Variants in GLRA1 observed in about 807,000 individuals in gnomAD.
GLRA1 encodes the protein glycine receptor subunit alpha-1.
GLRA1 carries 37 observed loss-of-function variants against 48.3 expected under a neutral mutation model. The observed-to-expected ratio is 0.77, with a 90% CI of 0.59 to 1.01. The LOEUF is 1.01. GLRA1 is among the 50% of genes least tolerant of loss of function. The pLI is 0.00. For synonymous variants in GLRA1, 196 were observed against 210.7 expected (o/e 0.93, Z 0.60); for missense variants, 427 against 571.0 (o/e 0.75, Z 2.57).
chr5:151,826,715 T>C (rs1160557409), intron 8 of GLRA1, among the ~76,000 whole-genome samples: 1 of 152,180 alleles, frequency 6.6e-6, no homozygotes, highest in Non-Finnish European at 1.5e-5. Flanking sequence ...TGTTTTCTTT[T>C]AGTGTGTCAA....
At chr5:151,906,274 G>T (rs1368877137) in intron 1 of GLRA1, among the ~76,000 whole-genome samples, 1 of 152,138 alleles carries the variant, frequency 6.6e-6, no homozygotes, top group African/African-American at 2.4e-5. Flanking sequence ...TAAAAATAAG[G>T]TTCAAATAAT....
intron 7 of GLRA1, among the ~76,000 whole-genome samples, chr5:151,831,592 G>A (rs1763426891): frequency 6.6e-6 from 1 of 152,212 alleles, no homozygotes; most frequent in African/African-American, 2.4e-5. Context: ...GCCAGGCTGT[G>A]TCTCTAGATT....
chr5:151,833,796 C>CAAAAACAAAAAAA (rs1763490942), intron 7 of GLRA1, among the ~76,000 whole-genome samples: 1 of 64,778 alleles, frequency 1.5e-5, no homozygotes, highest in East Asian at 5.2e-4. Flanking sequence ...AAGTGGAAAG[C>CAAAAACAAAAAAA]AAAAAAAAAA....
Position 151,849,148 on chromosome 5 carries a change from C to CTTTCTTTCTTTCT in GLRA1, c.912+2241_912+2242insAGAAAGAAAGAAA, listed in dbSNP as rs1279846576. 65 of 142,938 alleles carry CTTTCTTTCTTTCT rather than the reference C, an allele frequency of 4.5e-4. 1 individual carries two copies. Among genetic ancestry groups the CTTTCTTTCTTTCT allele is most frequent in the Middle Eastern group, 2.1e-3 (1 of 476 alleles). 8.9% of individuals were successfully genotyped at this position (142,938 alleles called of 1,614,324 possible). A position where few individuals can be genotyped will look rare whatever the true frequency, so the allele number is the denominator to read the frequency against. On this transcript the variant is annotated intron_variant, in intron 7 of 8. Transcript: ENST00000274576. ...TCTTTCTTTCTTTCTTTCTTTCTTT[C>CTTTCTTTCTTTCT]TTTCTTTTCTTTTCTTTTCTTTCTT...
At chr5:151,842,355 A>T (rs1763732878) in intron 7 of GLRA1, among the ~76,000 whole-genome samples, 1 of 151,956 alleles carries the variant, frequency 6.6e-6, no homozygotes, top group African/African-American at 2.4e-5. Context: ...AAAAAAAAAA[A>T]ACTCTCAGGA....
intron 1 of GLRA1, among the ~76,000 whole-genome samples, chr5:151,917,112 A>G (rs181550633): frequency 6.6e-6 from 1 of 152,336 alleles, no homozygotes; most frequent in Admixed American, 6.5e-5. Flanking sequence ...TCCCCTCTAC[A>G]TCTGCAAAAT....
rs779337812 is a variant in GLRA1 at position 151,822,843 on chromosome 5, G to A, written c.1180C>T (p.Pro394Ser). The A allele has an allele frequency of 1.2e-6, 2 of 1,614,178 alleles. No individual in the cohort carries two copies. The highest frequency in any genetic ancestry group is 1.7e-5 in the Admixed American group (1 of 60,022). The change falls in exon 9 of 9, where the codon CCT becomes TCT. Residue 394 changes from proline (P) to serine (S), a missense_variant. Coordinates refer to ENST00000274576, the MANE Select transcript of GLRA1 (RefSeq NM_000171.4). ...GANNSNTTNPPPAPSKSPEEM... is the reference protein window; with the variant it reads ...GANNSNTTNPSPAPSKSPEEM... ...TCTGGGGACTTAGATGGTGCAGGAG[G>A]GGGGTTGGTGGTGTTACTGTTGTTG...
At chr5:151,877,593 A>C (rs1026147041) in intron 3 of GLRA1, among the ~76,000 whole-genome samples, 2 of 152,314 alleles carry the variant, frequency 1.3e-5, no homozygotes, top group South Asian at 4.1e-4. Flanking sequence ...TCCCCACCCA[A>C]ATCTCATCTT....
intron 2 of GLRA1, among the ~76,000 whole-genome samples, chr5:151,890,353 G>A (rs1411572138): frequency 6.6e-6 from 1 of 152,124 alleles, no homozygotes; most frequent in African/African-American, 2.4e-5. Context: ...TTCAACAAAC[G>A]AATGAGTTCC....
intron 1 of GLRA1, among the ~76,000 whole-genome samples, chr5:151,904,314 T>C (rs1322976175): frequency 6.6e-6 from 1 of 152,164 alleles, no homozygotes; most frequent in Admixed American, 6.5e-5. Flanking sequence ...AACGGGATCC[T>C]GAGTCCCACT....
rs1267529194 is a variant in GLRA1 at position 151,892,381 on chromosome 5, G to C, written c.114C>G (p.Pro38=). Reference sequence around the variant, plus strand: ...CCATTAGCTTATCCAGGAAATCCGAGGGTGACATAGGCTTGGGTGCGGAGC... The same window carrying C: ...CCATTAGCTTATCCAGGAAATCCGACGGTGACATAGGCTTGGGTGCGGAGC... ...AARSAPKPMS[P]SDFLDKLMGR... Residue 38 remains proline, a synonymous_variant, in exon 2 of 9, where the codon CCC becomes CCG. Coordinates refer to ENST00000274576, the MANE Select transcript of GLRA1 (RefSeq NM_000171.4). The C allele has an allele frequency of 6.2e-7, 1 of 1,614,048 alleles. No homozygotes were observed. The highest frequency in any genetic ancestry group is 8.5e-7 in the Non-Finnish European group (1 of 1,179,894).
At chr5:151,830,495 G>A (rs1049196426) in intron 7 of GLRA1, among the ~76,000 whole-genome samples, 4 of 152,162 alleles carry the variant, frequency 2.6e-5, no homozygotes, top group African/African-American at 9.7e-5. Context: ...GTGAATTCCC[G>A]GGAAGACTTG....
chr5:151,900,354 G>C (rs908523964), intron 1 of GLRA1, among the ~76,000 whole-genome samples: 3 of 152,200 alleles, frequency 2.0e-5, no homozygotes, highest in Non-Finnish European at 4.4e-5. Context: ...TCCTGTAGAT[G>C]ATCAAATCTA....
At chr5:151,922,761 A>G (rs921455694) in intron 1 of GLRA1, among the ~76,000 whole-genome samples, 1 of 152,220 alleles carries the variant, frequency 6.6e-6, no homozygotes, top group East Asian at 1.9e-4. Context: ...GTGAAAGACA[A>G]TGTCTGGAGA....
intron 3 of GLRA1, among the ~76,000 whole-genome samples, chr5:151,867,080 C>T (rs189802188): frequency 7.9e-5 from 12 of 152,174 alleles, no homozygotes; most frequent in East Asian, 1.9e-4. Context: ...CACTGCACTC[C>T]GGCCTGGGTA....
At chr5:151,841,924 G>T (rs1763719496) in intron 7 of GLRA1, among the ~76,000 whole-genome samples, 1 of 152,156 alleles carries the variant, frequency 6.6e-6, no homozygotes. Flanking sequence ...GAGCGTGGTG[G>T]CGTGTGCCTG....
intron 1 of GLRA1, among the ~76,000 whole-genome samples, chr5:151,900,203 G>A (rs1299874494): frequency 1.3e-5 from 2 of 152,134 alleles, no homozygotes; most frequent in Non-Finnish European, 2.9e-5. Context: ...CTCAATCCCA[G>A]GGTTGCATAA....
intron 1 of GLRA1, among the ~76,000 whole-genome samples, chr5:151,918,657 A>T (rs1020590809): frequency 2.0e-5 from 3 of 152,206 alleles, no homozygotes; most frequent in Non-Finnish European, 4.4e-5. Context: ...TAGAATTGCG[A>T]GGGATTGTCT....
intron 3 of GLRA1, among the ~76,000 whole-genome samples, chr5:151,876,083 T>G (rs1422273361): frequency 6.6e-6 from 1 of 152,206 alleles, no homozygotes; most frequent in African/African-American, 2.4e-5. Flanking sequence ...ACAGTAGAGC[T>G]TTTTGAAAGG....
Sources: gnomAD v4.1 joint callset for allele counts (sites outside exome capture counted in the v4.1 genomes callset) on GRCh38, gnomAD v4.1.1 for gene constraint, MANE v1.5 for transcripts, NCBI Gene and HGNC (gene_info 2026-07-23, HGNC 2026-07-21) for gene names.